Variants in ANO6 observed in about 807,000 individuals in gnomAD.
The protein encoded by ANO6 is anoctamin 6, also known as anoctamin-6.
A neutral mutation model predicts 117.5 loss-of-function variants in ANO6; 106 were observed. The observed-to-expected ratio is 0.90, with a 90% CI of 0.77 to 1.06. ANO6 has a LOEUF of 1.06. Among genes scored for constraint, ANO6 ranks in the 50% least tolerant of loss-of-function variants. ANO6 has a pLI of 0.00. For missense variants in ANO6, 955 were observed against 1,121.1 expected, an observed-to-expected ratio of 0.85 and a Z score of 2.12; for synonymous variants, 367 against 385.1, an observed-to-expected ratio of 0.95 and a Z score of 0.55.
intron 1 of ANO6, among the ~76,000 whole-genome samples, chr12:45,273,540 C>T (rs1938455672): frequency 6.6e-6 from 1 of 152,200 alleles, no homozygotes. Flanking sequence ...GTCACTTAAC[C>T]TCTTTGTGCC....
intron 1 of ANO6, among the ~76,000 whole-genome samples, chr12:45,258,015 T>A (rs895874374): frequency 6.6e-6 from 1 of 152,174 alleles, no homozygotes; most frequent in African/African-American, 2.4e-5. Context: ...AAAAAGTAAT[T>A]CACTTATAAA....
chr12:45,438,678 CTG>C (rs929298783), intron 19 of ANO6, among the ~76,000 whole-genome samples: 53 of 152,110 alleles, frequency 3.5e-4, no homozygotes, highest in African/African-American at 1.2e-3. Context: ...TCAAAAAAAT[CTG>C]TAATTTTTAA....
intron 8 of ANO6, 30 bp downstream of exon 8, chr12:45,357,454 C>G (rs1362395927): frequency 5.0e-6 from 8 of 1,612,270 alleles, no homozygotes; most frequent in African/African-American, 2.7e-5. Context: ...TGTTGCCATG[C>G]TGAAAAGTTT....
At chr12:45,437,784 G>A (rs1010481924) in intron 19 of ANO6, among the ~76,000 whole-genome samples, 4 of 151,972 alleles carry the variant, frequency 2.6e-5, no homozygotes, top group African/African-American at 9.7e-5. Flanking sequence ...TGCCCAGGCT[G>A]GTCTCAAATT....
chr12:45,361,303 TATAA>T (rs1452021946), intron 8 of ANO6, among the ~76,000 whole-genome samples: 1 of 152,150 alleles, frequency 6.6e-6, no homozygotes, highest in African/African-American at 2.4e-5. Flanking sequence ...TTGATGCTAT[TATAA>T]ATTGTTTCGT....
rs1320910557 is a variant in ANO6, at chr12:45,322,098, G to C, written c.151-9197G>C. 2.6e-5 allele frequency among the ~76,000 whole-genome samples: 4 copies of C among 152,090 alleles called. No individual in the cohort carries two copies. The South Asian group carries it at 8.3e-4, about 32-fold the overall frequency. ...TGCAGATGGTAATGCAGTTAGAAAG[G>C]CAAATAACATCTAGTATTATTATGA... On this transcript the variant is annotated intron_variant, in intron 2 of 19. Coordinates refer to ENST00000320560, the MANE Select transcript of ANO6 (RefSeq NM_001025356.3).
chr12:45,216,150 C>T lies in ANO6; in HGVS notation c.-172C>T, dbSNP rs1565624859. The T allele has an allele frequency of 2.9e-6, 2 of 690,130 alleles. No homozygotes were observed. Among genetic ancestry groups the T allele is most frequent in the Non-Finnish European group, 4.9e-6 (2 of 410,090 alleles). The allele number at this position is 690,130 out of a possible 1,614,324, so 42.8% of individuals were successfully genotyped here. On this transcript the variant is annotated 5_prime_UTR_variant, in exon 1 of 20. Coordinates refer to ENST00000320560, the MANE Select transcript of ANO6 (RefSeq NM_001025356.3). ...GCGTCCTCCGGCTCTGGGCTCCGGT[C>T]GGTGGGTGCCTCGGCTCGGCTTTCC...
At chr12:45,368,358 C>T (rs1461098058) in intron 9 of ANO6, among the ~76,000 whole-genome samples, 1 of 152,182 alleles carries the variant, frequency 6.6e-6, no homozygotes, top group Non-Finnish European at 1.5e-5. Flanking sequence ...GAAATCTGTA[C>T]TTCTGTTTTC....
chr12:45,333,168 G>A (rs1460096442), intron 3 of ANO6, among the ~76,000 whole-genome samples: 1 of 151,822 alleles, frequency 6.6e-6, no homozygotes, highest in East Asian at 1.9e-4. Context: ...ACATATAGAT[G>A]TTACATAATT....
intron 19 of ANO6, 43 bp from the exon 20 acceptor site, chr12:45,429,062 T>C (rs1394364940): frequency 5.0e-6 from 8 of 1,604,598 alleles, no homozygotes; most frequent in Non-Finnish European, 6.8e-6. Flanking sequence ...GGTGTTCTCC[T>C]CCATTTCTTT....
chr12:45,341,532 T>C (rs1940978375), intron 3 of ANO6, among the ~76,000 whole-genome samples: 1 of 152,170 alleles, frequency 6.6e-6, no homozygotes, highest in African/African-American at 2.4e-5. Context: ...TGACCTACCT[T>C]ATAATAGACA....
chr12:45,348,210 G>A lies in ANO6; in HGVS notation c.528G>A (p.Lys176=). ...TCAGTGTAGACGAAAGCATCATCAA[G>A]CCAGAGCAAGAGTTTTTCACTGCCC... ...KVLSVDESII[K]PEQEFFTAPF... The change falls in exon 5 of 20, where the codon AAG becomes AAA. Residue 176 remains lysine, a synonymous_variant. Transcript: ENST00000320560. The A allele has an allele frequency of 6.2e-7, 1 of 1,613,966 alleles. No individual in the cohort carries two copies. Among genetic ancestry groups the A allele is most frequent in the African/African-American group, 1.3e-5 (1 of 74,980 alleles).
At position 45,390,479 on chromosome 12, in the gene ANO6, C is replaced by T. The variant is rs1272161801; in HGVS notation, c.1367C>T (p.Ala456Val). 5.0e-6 allele frequency: 8 copies of T among 1,613,414 alleles called. No individual in the cohort carries two copies. The highest frequency in any genetic ancestry group is 5.1e-6 in the Non-Finnish European group (6 of 1,179,724). The change falls in exon 12 of 20, where the codon GCC becomes GTC. Residue 456 changes from alanine (A) to valine (V), a missense_variant. Physicochemically the swap from Ala to Val is moderately conservative, Grantham distance 64. Transcript: ENST00000320560. Reference sequence around the variant, plus strand: ...AAATGTATACGGATAACCCTCTGTGCCAGTGCTGTCTTTTTCTGGGTAATT... The same window carrying T: ...AAATGTATACGGATAACCCTCTGTGTCAGTGCTGTCTTTTTCTGGGTAATT... ...WGKCIRITLC[A>V]SAVFFWILLI...
chr12:45,439,025 C>T (rs950328033), intron 19 of ANO6, among the ~76,000 whole-genome samples: 13 of 152,188 alleles, frequency 8.5e-5, no homozygotes, highest in Non-Finnish European at 1.8e-4. Flanking sequence ...AGGAAAGTAG[C>T]ATAATGTTAA....
chr12:45,281,983 T>C (rs1190407274), intron 1 of ANO6, among the ~76,000 whole-genome samples: 2 of 151,958 alleles, frequency 1.3e-5, no homozygotes, highest in Non-Finnish European at 2.9e-5. Context: ...CAGGATGAGA[T>C]GAAGAGAGGA....
intron 1 of ANO6, among the ~76,000 whole-genome samples, chr12:45,260,971 T>TTTGTG (rs993631683): frequency 1.4e-5 from 2 of 147,138 alleles, no homozygotes; most frequent in African/African-American, 4.9e-5. Context: ...TGTTTGTTTG[T>TTTGTG]TTGTTTTGTT....
At chr12:45,323,025 C>G (rs1446156216) in intron 2 of ANO6, among the ~76,000 whole-genome samples, 3 of 152,190 alleles carry the variant, frequency 2.0e-5, no homozygotes, top group African/African-American at 7.2e-5. Context: ...ATGGTTAGTA[C>G]ATTTTCTTCC....
In ANO6 at chr12:45,429,756, A is replaced by G. The variant is rs1943591242; in HGVS notation, c.*445A>G. ...ATCTTTTCCTTACAGTACCATCATT[A>G]TAGATTTAATTTAATAGCTTTCATG... On this transcript the variant is annotated 3_prime_UTR_variant, in exon 20 of 20. Transcript: ENST00000320560. 9.9e-7 allele frequency: 1 copy of G among 1,007,668 alleles called. No homozygotes were observed. Among genetic ancestry groups the G allele is most frequent in the Non-Finnish European group, 1.2e-6 (1 of 846,400 alleles). The allele number at this position is 1,007,668 out of a possible 1,614,324, so 62.4% of individuals were successfully genotyped here.
rs1207790782 is a variant in ANO6 at position 45,388,228 on chromosome 12, G to A, written c.1233G>A (p.Glu411=). The stretch of plus-strand genomic sequence containing the variant: ...TTGAGTATGAATGGGATACTGTTGA[G>A]TTACAGCAGGAAGAACAAGCCCGAC... ...AELEYEWDTV[E]LQQEEQARPE... The change falls in exon 11 of 20, where the codon GAG becomes GAA. Residue 411 remains glutamate, a synonymous_variant. Coordinates refer to ENST00000320560, the MANE Select transcript of ANO6 (RefSeq NM_001025356.3). 1.2e-6 allele frequency: 2 copies of A among 1,614,022 alleles called. No homozygotes were observed. Among genetic ancestry groups the A allele is most frequent in the Admixed American group, 3.3e-5 (2 of 59,996 alleles).
Sources: allele counts gnomAD v4.1 joint callset (sites outside exome capture counted in the v4.1 genomes callset), GRCh38; gene constraint gnomAD v4.1.1; transcripts MANE v1.5; gene names NCBI Gene and HGNC (gene_info 2026-07-23, HGNC 2026-07-21).